The following DPYD variants were observed in gnomAD, a reference collection of about 807,000 sequenced individuals.
DPYD encodes the protein dihydropyrimidine dehydrogenase [NADP(+)].
In DPYD, 109 loss-of-function variants were observed where a neutral mutation model predicts 116.2. The ratio of observed to expected loss-of-function variants is 0.94; its 90% CI spans 0.80 to 1.10. DPYD has a LOEUF of 1.10. Ranked by LOEUF, DPYD falls within the 50% of genes least tolerant of loss-of-function variation. DPYD has a pLI of 0.00. For synonymous variants in DPYD, 440 were observed against 432.0 expected, an observed-to-expected ratio of 1.02 and a Z score of -0.23; for missense variants, 1,302 against 1,254.5, an observed-to-expected ratio of 1.04 and a Z score of -0.57.
rs576824507 is a variant in DPYD, at chr1:97,311,538, G to A, written c.2059-5241C>T. 2.6e-5 allele frequency among the ~76,000 whole-genome samples: 4 copies of A among 151,756 alleles called. No individual in the cohort carries two copies. In the South Asian group the frequency reaches 6.2e-4, roughly 24 times the overall value. On this transcript the variant is annotated intron_variant, in intron 16 of 22. Coordinates refer to ENST00000370192, the MANE Select transcript of DPYD (RefSeq NM_000110.4). ...TTGGGGGAAAGTCAATACACCCTGG[G>A]GAGAATGTAAATCAGTACAAGAGTC...
At chr1:97,720,073 G>C in intron 5 of DPYD, 8 of 984,932 alleles carry the variant, frequency 8.1e-6, no homozygotes, top group Non-Finnish European at 7.2e-6. Context: ...CAGAGGGACA[G>C]TGTTCCCAGA....
intron 5 of DPYD, among the ~76,000 whole-genome samples, chr1:97,706,750 A>G (rs1661979243): frequency 6.6e-6 from 1 of 152,058 alleles, no homozygotes; most frequent in Non-Finnish European, 1.5e-5. Flanking sequence ...ACCATAGTTT[A>G]TTTATGCATC....
chr1:97,537,043 G>A (rs912306632), intron 12 of DPYD, among the ~76,000 whole-genome samples: 12 of 152,210 alleles, frequency 7.9e-5, no homozygotes, highest in African/African-American at 2.7e-4. Flanking sequence ...TGAAATTAAA[G>A]TGATATTTTA....
At chr1:97,164,745 A>G (rs2101752869) in intron 20 of DPYD, among the ~76,000 whole-genome samples, 1 of 152,316 alleles carries the variant, frequency 6.6e-6, no homozygotes, top group Middle Eastern at 3.4e-3. Flanking sequence ...TACAATGAGG[A>G]TTATAAAACA....
intron 3 of DPYD, among the ~76,000 whole-genome samples, chr1:97,799,681 T>C (rs1667755381): frequency 6.6e-6 from 1 of 151,900 alleles, no homozygotes; most frequent in African/African-American, 2.4e-5. Flanking sequence ...TAAAAATCCA[T>C]AACAAAATTA....
intron 20 of DPYD, among the ~76,000 whole-genome samples, chr1:97,151,101 T>C (rs751736482): frequency 2.6e-5 from 4 of 152,212 alleles, no homozygotes; most frequent in Non-Finnish European, 5.9e-5. Flanking sequence ...TCCAGCTATC[T>C]TATGTTCAAA....
intron 18 of DPYD, among the ~76,000 whole-genome samples, chr1:97,271,950 T>C (rs918702377): frequency 6.6e-6 from 1 of 152,204 alleles, no homozygotes; most frequent in African/African-American, 2.4e-5. Context: ...AGCAAACTGA[T>C]ACCGTAAGTA....
At chr1:97,385,878 T>C (rs1334215365) in intron 14 of DPYD, among the ~76,000 whole-genome samples, 1 of 152,192 alleles carries the variant, frequency 6.6e-6, no homozygotes, top group East Asian at 1.9e-4. Context: ...TTAACAGAGC[T>C]ATTTTTGCTT....
chr1:97,722,447 T>C (rs1425617654), intron 4 of DPYD, among the ~76,000 whole-genome samples: 1 of 151,602 alleles, frequency 6.6e-6, no homozygotes, highest in Non-Finnish European at 1.5e-5. Context: ...GCAACAAATG[T>C]ACCATACTAA....
In DPYD at chr1:97,721,596, A is replaced by C; in HGVS notation, c.397T>G (p.Ser133Ala). The change falls in exon 5 of 23, where the codon TCT (serine) becomes GCT (alanine). Residue 133 changes from serine to alanine, a missense_variant. Coordinates refer to ENST00000370192, the MANE Select transcript of DPYD (RefSeq NM_000110.4). ...GLTCGMVCPT[S>A]DLCVGGCNLY... The stretch of plus-strand genomic sequence containing the variant: ...TTGCATCCACCTACACAAAGATCAG[A>C]GGTTGGACATACCATTCCACAAGTC... 6.2e-7 allele frequency: 1 copy of C among 1,611,980 alleles called. No homozygotes were observed. The highest frequency in any genetic ancestry group is 8.5e-7 in the Non-Finnish European group (1 of 1,178,532).
intron 20 of DPYD, among the ~76,000 whole-genome samples, chr1:97,107,812 G>A (rs1375015926): frequency 4.6e-5 from 7 of 151,938 alleles, no homozygotes; most frequent in Non-Finnish European, 1.0e-4. Flanking sequence ...TTTTGTATAA[G>A]GTAGGTGTTT....
intron 20 of DPYD, among the ~76,000 whole-genome samples, chr1:97,100,675 T>G (rs566852536): frequency 6.6e-6 from 1 of 152,256 alleles, no homozygotes; most frequent in Admixed American, 6.5e-5. Flanking sequence ...TATCTTCCTT[T>G]AAATGTACAT....
At chr1:97,717,954 T>C (rs1162958598) in intron 5 of DPYD, among the ~76,000 whole-genome samples, 1 of 151,916 alleles carries the variant, frequency 6.6e-6, no homozygotes, top group Non-Finnish European at 1.5e-5. Flanking sequence ...CTTTTTCATA[T>C]AATGACTTCT....
At chr1:97,144,689 G>A (rs919191163) in intron 20 of DPYD, among the ~76,000 whole-genome samples, 1 of 152,142 alleles carries the variant, frequency 6.6e-6, no homozygotes, top group African/African-American at 2.4e-5. Flanking sequence ...CAGGTCATCT[G>A]AGTCATAATG....
At chr1:97,279,073 A>C (rs181532460) in intron 18 of DPYD, among the ~76,000 whole-genome samples, 1 of 152,124 alleles carries the variant, frequency 6.6e-6, no homozygotes, top group East Asian at 1.9e-4. Flanking sequence ...AGTATATTGC[A>C]TGATGCTGAA....
intron 12 of DPYD, among the ~76,000 whole-genome samples, chr1:97,518,680 A>C (rs2786784): frequency 0.62 from 94,180 of 151,922 alleles, 29,350 homozygotes; most frequent in East Asian, 0.75. Context: ...CAATTTCAGA[A>C]AATACTATTT....
chr1:97,332,886 C>A (rs1347692235), intron 16 of DPYD, among the ~76,000 whole-genome samples: 8 of 152,072 alleles, frequency 5.3e-5, no homozygotes, highest in Admixed American at 6.6e-5. Flanking sequence ...CTGTAAGAAA[C>A]TTGAATCATG....
intron 11 of DPYD, among the ~76,000 whole-genome samples, chr1:97,570,549 T>A (rs775917870): frequency 4.6e-5 from 7 of 151,980 alleles, no homozygotes; most frequent in Non-Finnish European, 8.8e-5. Flanking sequence ...AAGTGGAAGC[T>A]TTATACCATA....
chr1:97,650,824 C>T (rs1343032115), intron 8 of DPYD, among the ~76,000 whole-genome samples: 3 of 151,870 alleles, frequency 2.0e-5, no homozygotes, highest in African/African-American at 4.8e-5. Flanking sequence ...TCTGTTTCCA[C>T]AGTGAATAAT....
Sources: allele counts gnomAD v4.1 joint callset (sites outside exome capture counted in the v4.1 genomes callset), GRCh38; gene constraint gnomAD v4.1.1; transcripts MANE v1.5; gene names NCBI Gene and HGNC (gene_info 2026-07-23, HGNC 2026-07-21).